OR2T11: variants seen among roughly 807,000 people sequenced by gnomAD.
OR2T11 encodes the protein olfactory receptor family 2 subfamily T member 11.
Under a neutral mutation model 13.5 loss-of-function variants are expected in OR2T11, and 14 were observed. The ratio of observed to expected loss-of-function variants is 1.04; its 90% confidence interval spans 0.69 to 1.62. OR2T11 has a LOEUF of 1.62. Among genes scored for constraint, OR2T11 ranks in the 40% most tolerant of loss-of-function variants. The probability of loss-of-function intolerance (pLI) is 0.00; values close to 1 mark genes in which losing one functional copy is unlikely to be tolerated. For synonymous variants in OR2T11, 163 were observed against 154.6 expected, an observed-to-expected ratio of 1.05 and a Z score of -0.40; for missense variants, 410 against 389.7, an observed-to-expected ratio of 1.05 and a Z score of -0.44.
rs1201386025 is a variant in OR2T11, at chr1:248,625,010, G to A, written c.*1168C>T. The A allele has an allele frequency of 5.5e-5, 8 of 144,350 alleles. 1 individual carries two copies. The highest frequency in any genetic ancestry group is 4.3e-4 in the South Asian group (2 of 4,610). The allele number at this position is 144,350 out of a possible 1,614,324, so 8.9% of individuals were successfully genotyped here. A position where few individuals can be genotyped will look rare whatever the true frequency, so the allele number is the denominator to read the frequency against. On this transcript the variant is annotated 3_prime_UTR_variant, in exon 2 of 2. Transcript: ENST00000641193. ...ACTAAAGTGCTGGGAGTACAGGTAT[G>A]AGCTACTGCACCCGGCCTAGCTTAA... is the stretch of plus-strand genomic sequence containing the variant.
rs759276973 is a variant in OR2T11 at position 248,628,981 on chromosome 1, C to T, written c.-144-1709G>A. 7.7e-5 allele frequency among the ~76,000 whole-genome samples: 11 copies of T among 143,342 alleles called. 3 individuals are homozygous for T. Among genetic ancestry groups the T allele is most frequent in the Admixed American group, 2.0e-4 (3 of 14,710 alleles). The allele number at this position is 143,342 out of a possible 152,430, so 94.0% of individuals were successfully genotyped here. On this transcript the variant is annotated intron_variant, in intron 1 of 1. Transcript: ENST00000641193. ...AAATATATTCTGCTAATTCAAAGTC[C>T]AAAAATATAAAAGAAACATTCTATA...
Position 248,626,509 on chromosome 1 carries a change from G to A in OR2T11, c.620C>T (p.Pro207Leu). Residue 207 changes from proline (P) to leucine (L), a missense_variant, in exon 2 of 2, where the codon CCC becomes CTC. Transcript: ENST00000641193. ...GTAGGAAGTGGAGATGATAGAGATG[G>A]GGATGAGCAACATGAGGACACAGCA... ...YICCVLMLLI[P>L]ISIISTSYSL... is the part of the protein sequence containing the mutation. 1 of 1,570,518 alleles carries A rather than the reference G, an allele frequency of 6.4e-7. No homozygotes were observed. Among genetic ancestry groups the A allele is most frequent in the East Asian group, 2.3e-5 (1 of 43,658 alleles).
At chr1:248,631,425 T>C (rs1660613239) in intron 1 of OR2T11, among the ~76,000 whole-genome samples, 1 of 142,448 alleles carries the variant, frequency 7.0e-6, no homozygotes, top group Non-Finnish European at 1.5e-5. Context: ...CAGAGTCAGG[T>C]GGGAGGAGCT....
Position 248,633,823 on chromosome 1 carries a change from C to T in OR2T11, c.-145+1215G>A, listed in dbSNP as rs769293516. On this transcript the variant is annotated intron_variant, in intron 1 of 1. Transcript: ENST00000641193. ...CAGTCATGAAAGAGTTTTCTGCTTCCACCCTTGAGAAATGCCCCTAATGGG... is the reference window on the plus strand; with the variant it reads ...CAGTCATGAAAGAGTTTTCTGCTTCTACCCTTGAGAAATGCCCCTAATGGG... Among the ~76,000 whole-genome samples the T allele has an allele frequency of 9.7e-5, 14 of 143,756 alleles. 1 individual carries two copies. The highest frequency in any genetic ancestry group is 1.4e-4 in the Non-Finnish European group (9 of 66,294). The allele number at this position is 143,756 out of a possible 152,430, so 94.3% of individuals were successfully genotyped here. A position where few individuals can be genotyped will look rare whatever the true frequency, so the allele number is the denominator to read the frequency against.
At position 248,624,101 on chromosome 1, in the gene OR2T11, A is replaced by G. The variant is rs1660480701; in HGVS notation, c.*2077T>C. 7.0e-6 allele frequency: 1 copy of G among 142,078 alleles called. No individual in the cohort carries two copies. Among genetic ancestry groups the G allele is most frequent in the Non-Finnish European group, 1.5e-5 (1 of 65,988 alleles). 8.8% of individuals were successfully genotyped at this position (142,078 alleles called of 1,614,324 possible). ...TTGGCCATGCTCTTACAAAAGTTCA[A>G]ACTCTCCACTTCTAAACTGGTTTCT... On this transcript the variant is annotated 3_prime_UTR_variant, in exon 2 of 2. Transcript: ENST00000641193.
At position 248,625,535 on chromosome 1, in the gene OR2T11, G is replaced by GA. The variant is rs1660501510; in HGVS notation, c.*642dup. On this transcript the variant is annotated 3_prime_UTR_variant, in exon 2 of 2. Coordinates refer to ENST00000641193, the MANE Select transcript of OR2T11 (RefSeq NM_001001964.2). The stretch of plus-strand genomic sequence containing the variant: ...TCATGTTCTTTGATGCTAAGTGTTA[G>GA]AGTCTATTCCCTGTGAGTAGCTGTG... 7.0e-6 allele frequency: 1 copy of GA among 143,782 alleles called. No homozygotes were observed. The highest frequency in any genetic ancestry group is 1.5e-5 in the Non-Finnish European group (1 of 66,472). 8.9% of individuals were successfully genotyped at this position (143,782 alleles called of 1,614,324 possible). A position where few individuals can be genotyped will look rare whatever the true frequency, so the allele number is the denominator to read the frequency against.
chr1:248,633,886 A>G (rs1660649344), intron 1 of OR2T11, among the ~76,000 whole-genome samples: 1 of 144,134 alleles, frequency 6.9e-6, no homozygotes, highest in South Asian at 2.2e-4. Flanking sequence ...GACTATATGA[A>G]GAATCTAGCA....
intron 1 of OR2T11, among the ~76,000 whole-genome samples, chr1:248,628,860 A>G (rs1246289277): frequency 7.0e-6 from 1 of 143,420 alleles, no homozygotes; most frequent in African/African-American, 2.7e-5. Flanking sequence ...TCCGTGGTCA[A>G]AACTCTACTT....
At chr1:248,629,951 TTG>T (rs1491120521) in intron 1 of OR2T11, among the ~76,000 whole-genome samples, 1 of 142,794 alleles carries the variant, frequency 7.0e-6, no homozygotes, top group Non-Finnish European at 1.5e-5. Flanking sequence ...TGACACTACC[TTG>T]TGTTTTGTGT....
At position 248,629,907 on chromosome 1, in the gene OR2T11, A is replaced by G. The variant is rs1572102773; in HGVS notation, c.-144-2635T>C. ...CAAAAGCCACCTGCTCAGAGGTCCT[A>G]TGACTATTTTTCTTCACTTTTCTTA... is the stretch of plus-strand genomic sequence containing the variant. On this transcript the variant is annotated intron_variant, in intron 1 of 1. Coordinates refer to ENST00000641193, the MANE Select transcript of OR2T11 (RefSeq NM_001001964.2). Among the ~76,000 whole-genome samples the G allele has an allele frequency of 1.4e-5, 2 of 141,642 alleles. 1 individual carries two copies. Among genetic ancestry groups the G allele is most frequent in the African/African-American group, 5.6e-5 (2 of 35,752 alleles). 92.9% of individuals were successfully genotyped at this position (141,642 alleles called of 152,430 possible).
Position 248,626,749 on chromosome 1 carries a change from A to G in OR2T11, c.380T>C (p.Leu127Pro). Residue 127 changes from leucine (L) to proline (P), a missense_variant, in exon 2 of 2, where the codon CTG becomes CCG. Transcript: ENST00000641193. ...GCGGTTCATCAGGACTGGGTATCTCAGAGGGTTACAGACAGCCACGTAGCA... is the reference window on the plus strand; with the variant it reads ...GCGGTTCATCAGGACTGGGTATCTCGGAGGGTTACAGACAGCCACGTAGCA... The part of the protein sequence containing the change: ...YDCYVAVCNP[L>P]RYPVLMNRKK... The G allele has an allele frequency of 6.4e-7, 1 of 1,566,612 alleles. No homozygotes were observed. The highest frequency in any genetic ancestry group is 8.7e-7 in the Non-Finnish European group (1 of 1,150,906).
rs1424459257 is a variant in OR2T11, at chr1:248,624,243, A to C, written c.*1935T>G. 7.0e-6 allele frequency: 1 copy of C among 143,358 alleles called. No homozygotes were observed. The highest frequency in any genetic ancestry group is 1.5e-5 in the Non-Finnish European group (1 of 66,340). 8.9% of individuals were successfully genotyped at this position (143,358 alleles called of 1,614,324 possible). On this transcript the variant is annotated 3_prime_UTR_variant, in exon 2 of 2. Coordinates refer to ENST00000641193, the MANE Select transcript of OR2T11 (RefSeq NM_001001964.2). ...AACTTCATACTCAATATCACATGAC[A>C]GCACCATTAACATCAAACACATTGG...
rs1421555662 is a variant in OR2T11 at position 248,626,035 on chromosome 1, C to T, written c.*143G>A. ...AACAGTAAAACATCTTTCCCTTGCT[C>T]CCGAGGAGCAAGAATCCAGACAGGG... On this transcript the variant is annotated 3_prime_UTR_variant, in exon 2 of 2. Transcript: ENST00000641193. 2 of 557,382 alleles carry T rather than the reference C, an allele frequency of 3.6e-6. No individual in the cohort carries two copies. The highest frequency in any genetic ancestry group is 4.3e-5 in the African/African-American group (2 of 46,928). 34.5% of individuals were successfully genotyped at this position (557,382 alleles called of 1,614,324 possible).
intron 1 of OR2T11, among the ~76,000 whole-genome samples, chr1:248,633,672 C>T (rs1435891360): frequency 9.9e-5 from 11 of 110,866 alleles, no homozygotes; most frequent in Non-Finnish European, 9.2e-5. Flanking sequence ...TTAATTTTTC[C>T]AAGTTTATAG....
chr1:248,632,492 G>A (rs1190437949), intron 1 of OR2T11, among the ~76,000 whole-genome samples: 2 of 137,208 alleles, frequency 1.5e-5, no homozygotes, highest in Non-Finnish European at 3.1e-5. Flanking sequence ...AGTTACAGGA[G>A]AGTCTCCCTG....
chr1:248,627,535 G>A (rs1255463542), intron 1 of OR2T11, among the ~76,000 whole-genome samples: 1 of 143,430 alleles, frequency 7.0e-6, no homozygotes, highest in Admixed American at 6.8e-5. Flanking sequence ...GGAAAAAAGG[G>A]TGATTCATTG....
rs181721723 is a variant in OR2T11, at chr1:248,623,561, A to G, written c.*2617T>C. The G allele has an allele frequency of 7.0e-6, 1 of 143,848 alleles. No homozygotes were observed. Among genetic ancestry groups the G allele is most frequent in the East Asian group, 2.0e-4 (1 of 4,972 alleles). The allele number at this position is 143,848 out of a possible 1,614,324, so 8.9% of individuals were successfully genotyped here. A position where few individuals can be genotyped will look rare whatever the true frequency, so the allele number is the denominator to read the frequency against. ...ACACCATGAAGAATTCTGCCTATAC[A>G]ACTTTTAATTGCCCAAAGAGACAAA... is the stretch of plus-strand genomic sequence containing the variant. On this transcript the variant is annotated 3_prime_UTR_variant, in exon 2 of 2. Coordinates refer to ENST00000641193, the MANE Select transcript of OR2T11 (RefSeq NM_001001964.2).
rs1472564077 is a variant in OR2T11, at chr1:248,625,908, ACT to A, written c.*268_*269del. 6 of 275,358 alleles carry A rather than the reference ACT, an allele frequency of 2.2e-5. No individual in the cohort carries two copies. The highest frequency in any genetic ancestry group is 7.5e-5 in the African/African-American group (3 of 40,126). 17.1% of individuals were successfully genotyped at this position (275,358 alleles called of 1,614,324 possible). A position where few individuals can be genotyped will look rare whatever the true frequency, so the allele number is the denominator to read the frequency against. ...AGTTCAGAGTGAAAGGTTGCTGTGA[ACT>A]CTAATATTTGGGGTTTTTCTTCCCT... On this transcript the variant is annotated 3_prime_UTR_variant, in exon 2 of 2. Transcript: ENST00000641193.
chr1:248,625,993 C>A lies in OR2T11; in HGVS notation c.*185G>T. 1 of 450,520 alleles carries A rather than the reference C, an allele frequency of 2.2e-6. No homozygotes were observed. The highest frequency in any genetic ancestry group is 3.9e-6 in the Non-Finnish European group (1 of 256,512). The allele number at this position is 450,520 out of a possible 1,614,324, so 27.9% of individuals were successfully genotyped here. A position where few individuals can be genotyped will look rare whatever the true frequency, so the allele number is the denominator to read the frequency against. ...ATAATAAACCATTTTTGATACTTCACTGAAAGATCTCTGCATAACAGTAAA... is the reference window on the plus strand; with the variant it reads ...ATAATAAACCATTTTTGATACTTCAATGAAAGATCTCTGCATAACAGTAAA... On this transcript the variant is annotated 3_prime_UTR_variant, in exon 2 of 2. Coordinates refer to ENST00000641193, the MANE Select transcript of OR2T11 (RefSeq NM_001001964.2).
Sources: allele counts gnomAD v4.1 joint callset (sites outside exome capture counted in the v4.1 genomes callset), GRCh38; gene constraint gnomAD v4.1.1; transcripts MANE v1.5; gene names NCBI Gene and HGNC (gene_info 2026-07-23, HGNC 2026-07-21).